CLN6: variants seen among roughly 807,000 people sequenced by gnomAD.
CLN6 encodes the protein CLN6 transmembrane ER protein.
In CLN6, 22 loss-of-function variants were observed where a neutral mutation model predicts 33.3. The ratio of observed to expected loss-of-function variants is 0.66; its 90% CI spans 0.47 to 0.94. The LOEUF (loss-of-function observed/expected upper bound fraction) is 0.94. Ranked by LOEUF, CLN6 falls within the 40% of genes least tolerant of loss-of-function variation. The pLI is 0.00. For missense variants in CLN6, 387 were observed against 417.1 expected (o/e 0.93, Z 0.63); for synonymous variants, 201 against 174.6 (o/e 1.15, Z -1.19).
upstream of CLN6, among the ~76,000 whole-genome samples, chr15:68,232,344 AGAC>A (rs949537399): frequency 3.3e-5 from 5 of 152,160 alleles, no homozygotes; most frequent in African/African-American, 1.2e-4. The surrounding 1 kb of genome is among the most constrained non-coding windows in gnomAD (Gnocchi z 4.7). Context: ...TTTTTAGTAG[AGAC>A]GGGGTTTCAC....
Position 68,209,844 on chromosome 15 carries a change from T to G in CLN6, c.543-85A>C. 1 of 1,566,008 alleles carries G rather than the reference T, an allele frequency of 6.4e-7. No homozygotes were observed. The highest frequency in any genetic ancestry group is 8.7e-7 in the Non-Finnish European group (1 of 1,143,536). ...CTGCAACCACTCCCATGGGGTCTCA[T>G]GGAGTGCCACGTCACAGTTTACAAA... is the stretch of plus-strand genomic sequence containing the variant. On this transcript the variant is annotated intron_variant, in intron 5 of 6. Transcript: ENST00000249806. This position sits in a 1 kb window ranked among gnomAD's most constrained non-coding sequence, Gnocchi z 4.9.
intron 2 of CLN6, among the ~76,000 whole-genome samples, chr15:68,216,951 G>T (rs916449432): frequency 6.6e-6 from 1 of 152,204 alleles, no homozygotes; most frequent in Non-Finnish European, 1.5e-5. Flanking sequence ...CTCTATGCTT[G>T]ACCTCGAGCC....
At position 68,249,986 on chromosome 15, in the gene CLN6, C is replaced by G. The variant is rs147224240; in HGVS notation, c.179+6704G>C. ...CGGGGTTTCACCATGTTGGTCAGGC[C>G]GATCTCGAACTCCTGACCTCGTGAT... is the stretch of plus-strand genomic sequence containing the variant. On this transcript the variant is annotated intron_variant, in intron 1 of 6. Coordinates refer to the CLN6 transcript ENST00000538696. Among the ~76,000 whole-genome samples, 6 of 151,902 alleles carry G rather than the reference C, an allele frequency of 3.9e-5. No homozygotes were observed. In the East Asian group the frequency reaches 1.2e-3, roughly 30 times the overall value.
chr15:68,220,367 G>A lies in CLN6; in HGVS notation c.84-1717C>T, dbSNP rs1273784268. 2.0e-5 allele frequency among the ~76,000 whole-genome samples: 3 copies of A among 152,208 alleles called. No homozygotes were observed. Among genetic ancestry groups the A allele is most frequent in the African/African-American group, 7.2e-5 (3 of 41,450 alleles). On this transcript the variant is annotated intron_variant, in intron 1 of 6. Coordinates refer to ENST00000249806, the MANE Select transcript of CLN6 (RefSeq NM_017882.3). The surrounding 1 kb of genome is among the most constrained non-coding windows in gnomAD (Gnocchi z 4.2). Reference sequence around the variant, plus strand: ...TAGCCAAAGCCACCCGTGTAGTAAGGAGCTGTGGCAACAATTCCTTTTGTC... The same window carrying A: ...TAGCCAAAGCCACCCGTGTAGTAAGAAGCTGTGGCAACAATTCCTTTTGTC...
chr15:68,211,444 C>CCAG lies in CLN6; in HGVS notation c.487-127_487-126insCTG. The CCAG allele has an allele frequency of 6.5e-7, 1 of 1,536,044 alleles. No individual in the cohort carries two copies. ...CCAGGCCTCCCCCACTGCCTTATTCCCTACCCGGGGCCTCGCCTTCTGTTA... is the reference window on the plus strand; with the variant it reads ...CCAGGCCTCCCCCACTGCCTTATTCCCAGCTACCCGGGGCCTCGCCTTCTGTTA... On this transcript the variant is annotated intron_variant, in intron 4 of 6. Transcript: ENST00000249806. This position sits in a 1 kb window ranked among gnomAD's most constrained non-coding sequence, Gnocchi z 5.9.
intron 1 of CLN6, among the ~76,000 whole-genome samples, chr15:68,251,726 C>T (rs766682230): frequency 6.6e-6 from 1 of 151,958 alleles, no homozygotes; most frequent in Non-Finnish European, 1.5e-5. Flanking sequence ...GCTATCACCC[C>T]TTCTAGTCAA....
chr15:68,239,971 A>G (rs933830461), intron 1 of CLN6, among the ~76,000 whole-genome samples: 4 of 152,224 alleles, frequency 2.6e-5, no homozygotes, highest in African/African-American at 9.6e-5. Flanking sequence ...TGACACATCC[A>G]CTAGGTTTTG....
At chr15:68,229,270 G>A (rs964934005) in intron 1 of CLN6, among the ~76,000 whole-genome samples, 4 of 152,124 alleles carry the variant, frequency 2.6e-5, no homozygotes, top group African/African-American at 9.7e-5. Context: ...CCGAGCAACG[G>A]CGAAGCGGGG....
At position 68,211,484 on chromosome 15, in the gene CLN6, G is replaced by A. The variant is rs905343750; in HGVS notation, c.487-166C>T. On this transcript the variant is annotated intron_variant, in intron 4 of 6. Coordinates refer to ENST00000249806, the MANE Select transcript of CLN6 (RefSeq NM_017882.3). This position sits in a 1 kb window ranked among gnomAD's most constrained non-coding sequence, Gnocchi z 5.9. ...GCCTTCTGTTACAGGGGCCCAGGTG[G>A]GAGGCAGTCTGTGCACCACTTCCTA... The A allele has an allele frequency of 1.1e-4, 170 of 1,555,274 alleles. No individual in the cohort carries two copies. Among genetic ancestry groups the A allele is most frequent in the Non-Finnish European group, 1.3e-4 (153 of 1,145,370 alleles).
rs1205573588 is a variant in CLN6, at chr15:68,228,525, C to T, written c.83+977G>A. 6.6e-6 allele frequency among the ~76,000 whole-genome samples: 1 copy of T among 152,164 alleles called. No individual in the cohort carries two copies. The highest frequency in any genetic ancestry group is 1.5e-5 in the Non-Finnish European group (1 of 68,024). The stretch of plus-strand genomic sequence containing the variant: ...GTCCTAGACTTGCTGCAATTAAAGG[C>T]CCTTCACAATCAGTCTGCATCCTCC... On this transcript the variant is annotated intron_variant, in intron 1 of 6. Coordinates refer to ENST00000249806, the MANE Select transcript of CLN6 (RefSeq NM_017882.3). The surrounding 1 kb of genome is among the most constrained non-coding windows in gnomAD (Gnocchi z 4.4).
intron 1 of CLN6, among the ~76,000 whole-genome samples, chr15:68,245,054 A>G (rs1892317337): frequency 1.5e-5 from 2 of 136,488 alleles, no homozygotes; most frequent in African/African-American, 2.7e-5. Context: ...AAAAAAAGAG[A>G]GAGAGAGGCA....
In CLN6 at chr15:68,247,073, T is replaced by C. The variant is rs1365993120; in HGVS notation, c.179+9617A>G. On this transcript the variant is annotated intron_variant, in intron 1 of 6. Transcript: ENST00000538696. The surrounding 1 kb of genome is among the most constrained non-coding windows in gnomAD (Gnocchi z 4.2). ...CGGGAGGCTGAGGCAGGAGAATTGC[T>C]TGAAACTGGGAGGTGTTCTAAGCTC... Among the ~76,000 whole-genome samples, 7 of 152,096 alleles carry C rather than the reference T, an allele frequency of 4.6e-5. No homozygotes were observed. The highest frequency in any genetic ancestry group is 4.6e-4 in the Admixed American group (7 of 15,254).
Position 68,219,113 on chromosome 15 carries a change from G to C in CLN6, c.84-463C>G, listed in dbSNP as rs1417563792. ...AGGCTGAAATATTACCTCCATTTTAGAAACGAAAAAACTGAGGCCCAAGAG... is the reference window on the plus strand; with the variant it reads ...AGGCTGAAATATTACCTCCATTTTACAAACGAAAAAACTGAGGCCCAAGAG... On this transcript the variant is annotated intron_variant, in intron 1 of 6. Coordinates refer to ENST00000249806, the MANE Select transcript of CLN6 (RefSeq NM_017882.3). This position sits in a 1 kb window ranked among gnomAD's most constrained non-coding sequence, Gnocchi z 4.2. Among the ~76,000 whole-genome samples, 1 of 152,070 alleles carries C rather than the reference G, an allele frequency of 6.6e-6. No homozygotes were observed. Among genetic ancestry groups the C allele is most frequent in the Non-Finnish European group, 1.5e-5 (1 of 68,014 alleles).
chr15:68,251,566 T>C (rs538147955), intron 1 of CLN6, among the ~76,000 whole-genome samples: 2 of 152,152 alleles, frequency 1.3e-5, no homozygotes, highest in African/African-American at 4.8e-5. Context: ...TCCCAGCTAC[T>C]TGGGAGGCTG....
At chr15:68,237,163 C>CAAAAA (rs71145147) in intron 1 of CLN6, among the ~76,000 whole-genome samples, 4 of 73,948 alleles carry the variant, frequency 5.4e-5, no homozygotes, top group African/African-American at 1.2e-4. Flanking sequence ...GACTCCGTCT[C>CAAAAA]AAAAAAAAAA....
chr15:68,212,034 A>C (rs1218390249), intron 3 of CLN6, 171 bp from the exon 4 acceptor site: 4 of 640,532 alleles, frequency 6.2e-6, no homozygotes, highest in Middle Eastern at 4.2e-4. Flanking sequence ...TCCTCCCGTG[A>C]CCCCTATGAA....
intron 1 of CLN6, among the ~76,000 whole-genome samples, chr15:68,221,840 C>G (rs866220893): frequency 6.7e-6 from 1 of 149,836 alleles, no homozygotes; most frequent in Middle Eastern, 3.5e-3. Flanking sequence ...TGCCCAGCTG[C>G]CCCGTCTAGG....
intron 1 of CLN6, among the ~76,000 whole-genome samples, chr15:68,221,576 G>A (rs1436301328): frequency 1.1e-4 from 17 of 152,110 alleles, no homozygotes; most frequent in African/African-American, 2.7e-4. Context: ...ATCTCGGCTC[G>A]CTACAACCTC....
At chr15:68,248,694 C>A (rs1371760849) in intron 1 of CLN6, among the ~76,000 whole-genome samples, 1 of 151,196 alleles carries the variant, frequency 6.6e-6, no homozygotes, top group Non-Finnish European at 1.5e-5. Context: ...AACTACGAAA[C>A]CACTAGAAGA....
Sources: allele counts gnomAD v4.1 joint callset (sites outside exome capture counted in the v4.1 genomes callset), GRCh38; gene constraint gnomAD v4.1.1; non-coding constraint Gnocchi (gnomAD v3.1); transcripts MANE v1.5; gene names NCBI Gene and HGNC (gene_info 2026-07-23, HGNC 2026-07-21).